Variants in PWWP2A observed in about 807,000 individuals in gnomAD.
PWWP2A encodes the protein PWWP domain containing 2A.
In PWWP2A, 18 loss-of-function variants were observed where a neutral mutation model predicts 48.5. That is an observed-to-expected ratio of 0.37 (90% CI 0.26 to 0.55). PWWP2A has a LOEUF of 0.55. Ranked by LOEUF, PWWP2A falls within the 20% of genes least tolerant of loss-of-function variation. The pLI, the probability that PWWP2A is intolerant of heterozygous loss-of-function variation, is 0.81. For missense variants in PWWP2A, 867 were observed against 976.4 expected, an observed-to-expected ratio of 0.89 and a Z score of 1.49; for synonymous variants, 396 against 387.7, an observed-to-expected ratio of 1.02 and a Z score of -0.25.
At chr5:160,090,156 T>C, downstream of PWWP2A, 1 of 985,242 alleles carries the variant, frequency 1.0e-6, no homozygotes. Flanking sequence ...GTTATTTTTA[T>C]ATTCAACAAT....
intron 2 of PWWP2A, among the ~76,000 whole-genome samples, chr5:160,084,591 C>T (rs779936783): frequency 1.3e-5 from 2 of 151,606 alleles, no homozygotes; most frequent in African/African-American, 2.4e-5. Context: ...ACCGAGCCCA[C>T]CTTATTTTTT....
intron 3 of PWWP2A, chr5:160,080,589 G>A: frequency 7.2e-7 from 1 of 1,383,414 alleles, no homozygotes; most frequent in Non-Finnish European, 9.6e-7. Context: ...TCTACTTCAG[G>A]AATGATTAAG....
At chr5:160,080,882 TAAC>T in intron 2 of PWWP2A, 1 of 946,748 alleles carries the variant, frequency 1.1e-6, no homozygotes, top group Non-Finnish European at 1.5e-6. Flanking sequence ...TGAATTTTCA[TAAC>T]AAATTTATTC....
downstream of PWWP2A, among the ~76,000 whole-genome samples, chr5:160,074,181 G>A (rs1288737585): frequency 6.6e-6 from 1 of 152,114 alleles, no homozygotes; most frequent in East Asian, 1.9e-4. Flanking sequence ...GCTCACACCT[G>A]TAATCTCAGC....
At chr5:160,076,065 TAAAGCAATGAAAGTGA>T (rs1357836284) in exon 4 of PWWP2A, 1 of 152,026 alleles carries the variant, frequency 6.6e-6, no homozygotes, top group Non-Finnish European at 1.5e-5. Context: ...ATTAAGCAAC[TAAAGCAATGAAAGTGA>T]AATAGCAACA....
chr5:160,052,970 CT>C, the PWWP2A span, among the ~76,000 whole-genome samples: 43 of 152,238 alleles, frequency 2.8e-4, 1 homozygote, highest in East Asian at 7.1e-3. Flanking sequence ...GGCTAGATTC[CT>C]TTTTTCCCTT....
chr5:160,061,474 T>C (rs1431716682), downstream of PWWP2A, among the ~76,000 whole-genome samples: 1 of 152,230 alleles, frequency 6.6e-6, no homozygotes, highest in Non-Finnish European at 1.5e-5. Flanking sequence ...TTTGCATCTC[T>C]ACCACACATA....
downstream of PWWP2A, among the ~76,000 whole-genome samples, chr5:160,086,525 AAT>A (rs936255518): frequency 3.3e-5 from 5 of 151,156 alleles, no homozygotes; most frequent in Admixed American, 1.3e-4. Context: ...TAAATAAATA[AAT>A]ATATATATAT....
the PWWP2A span, chr5:160,051,224 G>C: frequency 6.5e-7 from 1 of 1,550,124 alleles, no homozygotes; most frequent in Non-Finnish European, 8.8e-7. Flanking sequence ...AAACAGCTAG[G>C]AACCTAGGGT....
At chr5:160,108,230 A>C (rs1757100885) in intron 1 of PWWP2A, among the ~76,000 whole-genome samples, 1 of 152,036 alleles carries the variant, frequency 6.6e-6, no homozygotes, top group Non-Finnish European at 1.5e-5. Flanking sequence ...GAATGAAACC[A>C]GGTTTAATGC....
chr5:160,090,197 G>T, downstream of PWWP2A: 1 of 984,646 alleles, frequency 1.0e-6, no homozygotes, highest in Non-Finnish European at 1.2e-6. Flanking sequence ...TTTCCCCATG[G>T]CTTCTGAAAC....
chr5:160,108,969 T>A (rs979756255), intron 1 of PWWP2A, among the ~76,000 whole-genome samples: 2 of 152,128 alleles, frequency 1.3e-5, no homozygotes, highest in African/African-American at 2.4e-5. Context: ...AGAGACACCA[T>A]GCCCAGCCAC....
At chr5:160,088,483 C>T (rs762469283), downstream of PWWP2A, among the ~76,000 whole-genome samples, 26 of 152,202 alleles carry the variant, frequency 1.7e-4, no homozygotes, top group Non-Finnish European at 2.1e-4. Context: ...CTCCTGACCT[C>T]AGGTGATCCA....
chr5:160,053,780 G>C, the PWWP2A span, among the ~76,000 whole-genome samples: 1 of 152,130 alleles, frequency 6.6e-6, no homozygotes, highest in African/African-American at 2.4e-5. Flanking sequence ...TTTTTATTTA[G>C]ATGTGTTCAG....
chr5:160,090,480 ATTT>A, downstream of PWWP2A: 1 of 940,108 alleles, frequency 1.1e-6, no homozygotes, highest in African/African-American at 1.8e-5. Context: ...ATTTCAAAGA[ATTT>A]TTTTTTTAAG....
chr5:160,069,215 G>T (rs1753686228), intron 2 of PWWP2A, among the ~76,000 whole-genome samples: 1 of 151,924 alleles, frequency 6.6e-6, no homozygotes, highest in Non-Finnish European at 1.5e-5. Context: ...AGCCCAGGAG[G>T]TCGAGGCTGC....
At chr5:160,062,320 C>G (rs1223780327) in intron 5 of PWWP2A, among the ~76,000 whole-genome samples, 1 of 152,216 alleles carries the variant, frequency 6.6e-6, no homozygotes, top group Non-Finnish European at 1.5e-5. Context: ...CAGCCTAAAG[C>G]CAAGCCATTG....
downstream of PWWP2A, among the ~76,000 whole-genome samples, chr5:160,072,456 A>AGT (rs1241461763): frequency 2.0e-5 from 3 of 152,244 alleles, no homozygotes; most frequent in Non-Finnish European, 2.9e-5. Context: ...AGCTGGGCAC[A>AGT]GTGGCTCAGG....
Position 160,091,900 on chromosome 5 carries a change from C to T in PWWP2A, c.*482G>A. The T allele has an allele frequency of 1.0e-6, 1 of 984,464 alleles. No individual in the cohort carries two copies. The highest frequency in any genetic ancestry group is 4.7e-5 in the South Asian group (1 of 21,260). The allele number at this position is 984,464 out of a possible 1,614,324, so 61.0% of individuals were successfully genotyped here. ...AATATCCACTATTCCCCCAGCTCAC[C>T]AAGCCCTTATTGCAATCCCAAATAT... On this transcript the variant is annotated 3_prime_UTR_variant, in exon 2 of 2. Transcript: ENST00000307063.
Sources: gnomAD v4.1 joint callset for allele counts (sites outside exome capture counted in the v4.1 genomes callset) on GRCh38, gnomAD v4.1.1 for gene constraint, MANE v1.5 for transcripts, NCBI Gene and HGNC (gene_info 2026-07-23, HGNC 2026-07-21) for gene names.